The following AOPEP variants were observed in gnomAD, a reference collection of about 807,000 sequenced individuals.
AOPEP encodes aminopeptidase O.
Under a neutral mutation model 98.1 loss-of-function variants are expected in AOPEP, and 77 were observed. The observed-to-expected ratio is 0.78, with a 90% CI of 0.65 to 0.95. AOPEP has a LOEUF of 0.95. Among genes scored for constraint, AOPEP ranks in the 40% least tolerant of loss-of-function variants. AOPEP has a pLI of 0.00. For missense variants in AOPEP, 1,024 were observed against 1,024.7 expected (o/e 1.00, Z 0.01); for synonymous variants, 346 against 365.3 (o/e 0.95, Z 0.60).
At chr9:95,050,288 T>C (rs1252955596) in intron 13 of AOPEP, among the ~76,000 whole-genome samples, 1 of 152,258 alleles carries the variant, frequency 6.6e-6, no homozygotes. Context: ...AATCTGAGAC[T>C]TCTGCCCTTG....
intron 13 of AOPEP, among the ~76,000 whole-genome samples, chr9:95,054,464 T>G (rs950548709): frequency 2.0e-5 from 3 of 152,212 alleles, no homozygotes; most frequent in Admixed American, 2.0e-4. Flanking sequence ...ATAATATGCT[T>G]TGTGTTAGAT....
chr9:94,855,593 A>G (rs2044094300), intron 5 of AOPEP, among the ~76,000 whole-genome samples: 1 of 152,116 alleles, frequency 6.6e-6, no homozygotes, highest in Non-Finnish European at 1.5e-5. Flanking sequence ...AGTCTGAGGC[A>G]GGAGAATCGC....
At chr9:94,902,994 T>A (rs531967753) in intron 5 of AOPEP, among the ~76,000 whole-genome samples, 29 of 39,758 alleles carry the variant, frequency 7.3e-4, no homozygotes, top group Middle Eastern at 0.023. Context: ...ATTTTTTTTT[T>A]TTTGAAGACA....
chr9:95,138,321 C>T, the AOPEP span, among the ~76,000 whole-genome samples: 1 of 152,176 alleles, frequency 6.6e-6, no homozygotes, highest in Non-Finnish European at 1.5e-5. Context: ...GGCCAGACGC[C>T]GTGCCTGTGC....
At chr9:94,743,392 A>G (rs1415506656) in intron 1 of AOPEP, among the ~76,000 whole-genome samples, 1 of 152,216 alleles carries the variant, frequency 6.6e-6, no homozygotes, top group South Asian at 2.1e-4. Flanking sequence ...GGCAAGAAGT[A>G]AGTCATTGTG....
At chr9:95,047,257 G>A (rs562079878) in intron 13 of AOPEP, among the ~76,000 whole-genome samples, 182 of 152,258 alleles carry the variant, frequency 1.2e-3, no homozygotes, top group Admixed American at 2.1e-3. Context: ...TATTTAATGC[G>A]AAGTTTTTAT....
At chr9:94,916,462 T>G (rs942604014) in intron 5 of AOPEP, among the ~76,000 whole-genome samples, 3 of 152,120 alleles carry the variant, frequency 2.0e-5, no homozygotes, top group African/African-American at 7.2e-5. Context: ...CCCAGCACTT[T>G]GGGAGGCCGA....
chr9:94,928,336 C>T, intron 6 of AOPEP, 89 bp from the exon 7 acceptor site: 2 of 899,322 alleles, frequency 2.2e-6, no homozygotes, highest in Admixed American at 2.2e-5. Flanking sequence ...CTATCTTGTC[C>T]CCCATTGAAA....
the AOPEP span, among the ~76,000 whole-genome samples, chr9:95,112,313 G>A: frequency 6.6e-6 from 1 of 152,304 alleles, no homozygotes; most frequent in South Asian, 2.1e-4. Context: ...CATTAGATGA[G>A]AACATTCCTT....
Position 94,986,223 on chromosome 9 carries a change from T to C in AOPEP, c.1977+6796T>C, listed in dbSNP as rs1358411197. Among the ~76,000 whole-genome samples, 3 of 152,222 alleles carry C rather than the reference T, an allele frequency of 2.0e-5. No individual in the cohort carries two copies. In the East Asian group the frequency reaches 5.8e-4, roughly 29 times the overall value. ...GTCCTCATGTAGTCTTTGCTCTGTATGCGTGCACATGTCTGTCCTTACCTG... is the reference window on the plus strand; with the variant it reads ...GTCCTCATGTAGTCTTTGCTCTGTACGCGTGCACATGTCTGTCCTTACCTG... On this transcript the variant is annotated intron_variant, in intron 11 of 16. Coordinates refer to ENST00000375315, the MANE Select transcript of AOPEP (RefSeq NM_001193329.3).
At position 94,955,958 on chromosome 9, in the gene AOPEP, T is replaced by A. The variant is rs747901675; in HGVS notation, c.1815T>A (p.Tyr605Ter). ...CCAAAAGACTTGGAGATGAAACCTA[T>A]TTTTCATTTTTAAGAAAATTTGTGC... ...FLAKRLGDET[Y>*]FSFLRKFVHT... Residue 605 changes from tyrosine (Y) to a stop codon, truncating the protein, a stop_gained, in exon 9 of 17, where the codon TAT (tyrosine) becomes TAA (stop). Transcript: ENST00000375315. LOFTEE classifies it high-confidence loss of function. The A allele has an allele frequency of 6.2e-7, 1 of 1,613,746 alleles. No homozygotes were observed.
At chr9:94,748,068 TAAAG>T (rs747277611) in intron 1 of AOPEP, among the ~76,000 whole-genome samples, 14 of 152,158 alleles carry the variant, frequency 9.2e-5, no homozygotes, top group Non-Finnish European at 1.8e-4. Flanking sequence ...AGTACAAAAA[TAAAG>T]ACTTTCTAAT....
chr9:95,059,872 C>G (rs1339575905), intron 13 of AOPEP, among the ~76,000 whole-genome samples: 4 of 152,214 alleles, frequency 2.6e-5, no homozygotes, highest in Non-Finnish European at 5.9e-5. Flanking sequence ...GATTCTTCCT[C>G]CAGTGCACTA....
chr9:95,131,644 C>T, the AOPEP span, among the ~76,000 whole-genome samples: 1 of 152,208 alleles, frequency 6.6e-6, no homozygotes, highest in South Asian at 2.1e-4. Context: ...TTATCTACTT[C>T]AGCTCTTGTT....
chr9:95,116,735 A>T, the AOPEP span, among the ~76,000 whole-genome samples: 1 of 152,210 alleles, frequency 6.6e-6, no homozygotes, highest in African/African-American at 2.4e-5. Context: ...GATCAACACC[A>T]GTCGAATGAA....
intron 5 of AOPEP, among the ~76,000 whole-genome samples, chr9:94,810,880 C>T (rs563334036): frequency 4.7e-4 from 72 of 152,250 alleles, no homozygotes; most frequent in Admixed American, 4.5e-3. Flanking sequence ...TTCATAATAA[C>T]TGCCTCTGTT....
At chr9:95,147,541 G>A in the AOPEP span, among the ~76,000 whole-genome samples, 3 of 152,104 alleles carry the variant, frequency 2.0e-5, no homozygotes, top group African/African-American at 7.2e-5. Context: ...AAGAAAAGAT[G>A]AAACTGACAC....
chr9:94,775,352 T>C (rs2132948197), intron 3 of AOPEP, among the ~76,000 whole-genome samples: 1 of 151,904 alleles, frequency 6.6e-6, no homozygotes, highest in Non-Finnish European at 1.5e-5. Context: ...TGTACTGAAG[T>C]CACCGATGAG....
intron 2 of AOPEP, among the ~76,000 whole-genome samples, chr9:94,764,808 G>A (rs1033464365): frequency 6.6e-6 from 1 of 152,074 alleles, no homozygotes; most frequent in Non-Finnish European, 1.5e-5. Flanking sequence ...CAGTAATAGG[G>A]AAAGCTGAGT....
Sources: gnomAD v4.1 joint callset for allele counts (sites outside exome capture counted in the v4.1 genomes callset) on GRCh38, gnomAD v4.1.1 for gene constraint, MANE v1.5 for transcripts, NCBI Gene and HGNC (gene_info 2026-07-23, HGNC 2026-07-21) for gene names.